The following COMMD10 variants were observed in gnomAD, a reference collection of about 807,000 sequenced individuals.
The protein encoded by COMMD10 is COMM domain containing 10, also known as COMM domain-containing protein 10.
COMMD10 carries 33 observed loss-of-function variants against 28.9 expected under a neutral mutation model. The ratio of observed to expected loss-of-function variants is 1.14; its 90% CI spans 0.87 to 1.53. The LOEUF is 1.53. Ranked by LOEUF, COMMD10 falls within the 40% of genes most tolerant of loss-of-function variation. COMMD10 has a pLI of 0.00. For missense variants in COMMD10, 310 were observed against 233.4 expected (o/e 1.33, Z -2.14); for synonymous variants, 110 against 81.7 (o/e 1.35, Z -1.87).
At chr5:116,232,884 G>A (rs1248967932) in intron 5 of COMMD10, among the ~76,000 whole-genome samples, 2 of 152,150 alleles carry the variant, frequency 1.3e-5, no homozygotes, top group Non-Finnish European at 2.9e-5. Context: ...ACAAGACAAA[G>A]AGAAGTTAAG....
chr5:116,158,646 A>G lies in COMMD10; in HGVS notation c.510+24468A>G, dbSNP rs149244435. On this transcript the variant is annotated intron_variant, in intron 5 of 6. Transcript: ENST00000274458. The stretch of plus-strand genomic sequence containing the variant: ...AATGGGCCGCCATGCTTGGACAGCA[A>G]AACTTTTAAAATTTTCATTTTAAAT... 9.2e-4 allele frequency among the ~76,000 whole-genome samples: 140 copies of G among 151,756 alleles called. 6 individuals carry two copies. The East Asian group carries it at 0.025, about 27-fold the overall frequency.
chr5:116,270,015 TTCTAA>T (rs1321088083), intron 5 of COMMD10, among the ~76,000 whole-genome samples: 2 of 146,634 alleles, frequency 1.4e-5, no homozygotes, highest in African/African-American at 5.1e-5. Context: ...CTTTCAAGCC[TTCTAA>T]TCTAAGGTTA....
At chr5:116,108,311 T>C (rs1006510767) in intron 4 of COMMD10, among the ~76,000 whole-genome samples, 2 of 152,192 alleles carry the variant, frequency 1.3e-5, no homozygotes, top group Non-Finnish European at 2.9e-5. Context: ...CCCAGGGAGA[T>C]GGGGGTTTTA....
At chr5:116,214,839 A>G (rs1005934252) in intron 5 of COMMD10, among the ~76,000 whole-genome samples, 9 of 152,080 alleles carry the variant, frequency 5.9e-5, no homozygotes, top group Non-Finnish European at 8.8e-5. Context: ...GTGTGTAGCA[A>G]GCTTTTATCA....
At chr5:116,136,476 A>G (rs1419919417) in intron 5 of COMMD10, among the ~76,000 whole-genome samples, 1 of 152,192 alleles carries the variant, frequency 6.6e-6, no homozygotes, top group Non-Finnish European at 1.5e-5. Flanking sequence ...TTTTGACCAC[A>G]TACATTGGAT....
At chr5:116,271,744 T>G (rs1750763291) in intron 5 of COMMD10, among the ~76,000 whole-genome samples, 1 of 151,898 alleles carries the variant, frequency 6.6e-6, no homozygotes, top group Non-Finnish European at 1.5e-5. Flanking sequence ...TTGGCAAACT[T>G]TTGTTTAAGT....
chr5:116,265,972 T>C (rs1186768179), intron 5 of COMMD10, among the ~76,000 whole-genome samples: 1 of 151,774 alleles, frequency 6.6e-6, no homozygotes, highest in African/African-American at 2.4e-5. Flanking sequence ...TAAGTCAGTA[T>C]GTGTTAGGTG....
intron 5 of COMMD10, among the ~76,000 whole-genome samples, chr5:116,242,246 G>GT (rs1392164641): frequency 6.6e-6 from 1 of 152,194 alleles, no homozygotes; most frequent in African/African-American, 2.4e-5. Flanking sequence ...AGTTTTGAAA[G>GT]TTTTGTTAAG....
At chr5:116,097,398 G>T (rs1305580323) in intron 4 of COMMD10, among the ~76,000 whole-genome samples, 1 of 152,102 alleles carries the variant, frequency 6.6e-6, no homozygotes. Flanking sequence ...GTTTATACAT[G>T]TACTTATAAA....
intron 5 of COMMD10, among the ~76,000 whole-genome samples, chr5:116,163,872 G>A (rs1213323778): frequency 1.3e-5 from 2 of 152,090 alleles, no homozygotes; most frequent in Non-Finnish European, 2.9e-5. Context: ...GTTTCCATTT[G>A]TGTGAAATTT....
At chr5:116,126,910 C>A (rs554172732) in intron 4 of COMMD10, among the ~76,000 whole-genome samples, 15 of 152,202 alleles carry the variant, frequency 9.9e-5, no homozygotes, top group African/African-American at 3.6e-4. Context: ...GCAACAAAAG[C>A]CAAAATTGAC....
intron 5 of COMMD10, among the ~76,000 whole-genome samples, chr5:116,165,373 A>G (rs1753054717): frequency 6.6e-6 from 1 of 152,226 alleles, no homozygotes; most frequent in Non-Finnish European, 1.5e-5. Flanking sequence ...ACAAATTAAT[A>G]GCCACTCACA....
At chr5:116,239,103 C>T (rs13354846) in intron 5 of COMMD10, among the ~76,000 whole-genome samples, 51 of 152,188 alleles carry the variant, frequency 3.4e-4, no homozygotes, top group African/African-American at 1.2e-3. Context: ...AACAGCAAAG[C>T]TTGTTTTTTT....
intron 5 of COMMD10, among the ~76,000 whole-genome samples, chr5:116,172,569 C>T (rs1753370647): frequency 6.6e-6 from 1 of 152,098 alleles, no homozygotes; most frequent in South Asian, 2.1e-4. Flanking sequence ...GTTTTTTCTT[C>T]AGTCCTACAG....
chr5:116,270,949 A>G (rs115930412), intron 5 of COMMD10, among the ~76,000 whole-genome samples: 4,264 of 151,048 alleles, frequency 0.028, 267 homozygotes, highest in African/African-American at 0.098. Context: ...AAAAATAATA[A>G]TAAAGATTAT....
chr5:116,114,253 GC>G (rs1335165843), intron 4 of COMMD10, among the ~76,000 whole-genome samples: 1 of 152,072 alleles, frequency 6.6e-6, no homozygotes, highest in African/African-American at 2.4e-5. Context: ...ATTATTGGGG[GC>G]TCTGGGTGGC....
chr5:116,100,562 A>G (rs1411488090), intron 4 of COMMD10, among the ~76,000 whole-genome samples: 1 of 144,300 alleles, frequency 6.9e-6, no homozygotes, highest in East Asian at 2.0e-4. Context: ...TCTCAGTACC[A>G]TTAGTTGAAA....
intron 4 of COMMD10, among the ~76,000 whole-genome samples, chr5:116,132,666 C>G (rs1751897483): frequency 6.6e-6 from 1 of 152,006 alleles, no homozygotes. Context: ...GGCATGTATG[C>G]CAGTGCTTTT....
At chr5:116,172,174 C>G (rs1321315321) in intron 5 of COMMD10, among the ~76,000 whole-genome samples, 2 of 151,884 alleles carry the variant, frequency 1.3e-5, no homozygotes, top group Admixed American at 6.6e-5. Context: ...AGGAAACATC[C>G]CATATTGGCT....
Sources: allele counts gnomAD v4.1 joint callset (sites outside exome capture counted in the v4.1 genomes callset), GRCh38; gene constraint gnomAD v4.1.1; transcripts MANE v1.5; gene names NCBI Gene and HGNC (gene_info 2026-07-23, HGNC 2026-07-21).